The following GPR158 variants were observed in gnomAD, a reference collection of about 807,000 sequenced individuals.
GPR158 encodes G protein-coupled receptor 158.
A neutral mutation model predicts 78.2 loss-of-function variants in GPR158; 30 were observed. The ratio of observed to expected loss-of-function variants is 0.38; its 90% CI spans 0.29 to 0.52. The LOEUF (loss-of-function observed/expected upper bound fraction) is 0.52. Ranked by LOEUF, GPR158 falls within the 20% of genes least tolerant of loss-of-function variation. The pLI is 0.83. For synonymous variants in GPR158, 581 were observed against 591.1 expected, an observed-to-expected ratio of 0.98 and a Z score of 0.25; for missense variants, 1,463 against 1,523.5, an observed-to-expected ratio of 0.96 and a Z score of 0.66.
chr10:25,291,139 A>G (rs1320271681), intron 2 of GPR158, among the ~76,000 whole-genome samples: 2 of 152,086 alleles, frequency 1.3e-5, no homozygotes, highest in Admixed American at 6.5e-5. Flanking sequence ...GTTGAAAAAA[A>G]GATTTAAATA....
intron 4 of GPR158, among the ~76,000 whole-genome samples, chr10:25,426,028 G>T (rs1588857715): frequency 1.3e-5 from 2 of 152,172 alleles, no homozygotes; most frequent in South Asian, 4.1e-4. Flanking sequence ...AAGGTATGGG[G>T]GTTAAACAAA....
chr10:25,364,689 T>G (rs1855693189), intron 2 of GPR158, among the ~76,000 whole-genome samples: 2 of 151,928 alleles, frequency 1.3e-5, no homozygotes, highest in South Asian at 4.1e-4. Flanking sequence ...TTGAATAATT[T>G]TTCTCTTCTG....
intron 4 of GPR158, among the ~76,000 whole-genome samples, chr10:25,465,964 T>G (rs1329505324): frequency 6.6e-6 from 1 of 152,186 alleles, no homozygotes; most frequent in Non-Finnish European, 1.5e-5. Context: ...GCTGAGGGCT[T>G]GAAACTTCAA....
intron 2 of GPR158, among the ~76,000 whole-genome samples, chr10:25,330,418 G>A (rs1434584664): frequency 6.6e-6 from 1 of 152,098 alleles, no homozygotes; most frequent in Non-Finnish European, 1.5e-5. Context: ...AGGCATTTGA[G>A]TACCTCCAAG....
intron 2 of GPR158, among the ~76,000 whole-genome samples, chr10:25,379,216 G>A (rs780825095): frequency 2.6e-5 from 4 of 151,964 alleles, no homozygotes; most frequent in Admixed American, 6.6e-5. Flanking sequence ...ACTTTCTATT[G>A]CTATTCATTC....
intron 4 of GPR158, among the ~76,000 whole-genome samples, chr10:25,415,430 A>G (rs551834975): frequency 3.9e-5 from 6 of 152,234 alleles, no homozygotes; most frequent in Admixed American, 3.3e-4. Context: ...TTACCAACAC[A>G]TAGTCATTAG....
rs1269593792 is a variant in GPR158 at position 25,597,775 on chromosome 10, G to A, written c.2149G>A (p.Glu717Lys). 4.7e-6 allele frequency: 7 copies of A among 1,496,774 alleles called. No homozygotes were observed. Among genetic ancestry groups the A allele is most frequent in the South Asian group, 1.5e-5 (1 of 67,890 alleles). The allele number at this position is 1,496,774 out of a possible 1,614,324, so 92.7% of individuals were successfully genotyped here. Residue 717 changes from glutamate to lysine, a missense_variant, in exon 11 of 11, where the codon GAG becomes AAG. Coordinates refer to ENST00000376351, the MANE Select transcript of GPR158 (RefSeq NM_020752.3). The part of the protein sequence containing the change: ...HSLDPEDIRD[E>K]LKKLYAQLEI... The stretch of plus-strand genomic sequence containing the variant: ...GAATTTGCTTTTGTTCTGGCAGGAC[G>A]AGCTGAAAAAACTCTATGCCCAACT...
rs774614967 is a variant in GPR158 at position 25,598,422 on chromosome 10, G to T, written c.2796G>T (p.Gln932His). The change falls in exon 11 of 11, where the codon CAG becomes CAT. Residue 932 changes from glutamine to histidine, a missense_variant. Coordinates refer to ENST00000376351, the MANE Select transcript of GPR158 (RefSeq NM_020752.3). ...GTGTGGAAGAACGCACTAAATCCCAGAAACCTTTGCCAAAAGATAAAGAGA... is the reference window on the plus strand; with the variant it reads ...GTGTGGAAGAACGCACTAAATCCCATAAACCTTTGCCAAAAGATAAAGAGA... ...TAGVEERTKS[Q>H]KPLPKDKETN... The T allele has an allele frequency of 6.2e-7, 1 of 1,613,956 alleles. No homozygotes were observed. Among genetic ancestry groups the T allele is most frequent in the Admixed American group, 1.7e-5 (1 of 59,994 alleles).
chr10:25,371,911 G>A (rs931623528), intron 2 of GPR158, among the ~76,000 whole-genome samples: 1 of 141,892 alleles, frequency 7.0e-6, no homozygotes, highest in African/African-American at 2.7e-5. Context: ...CCATCAGAGT[G>A]AACAGGCAAC....
intron 5 of GPR158, among the ~76,000 whole-genome samples, chr10:25,473,698 G>C (rs553409124): frequency 3.9e-5 from 6 of 151,980 alleles, no homozygotes; most frequent in Non-Finnish European, 5.9e-5. Context: ...TGTATGTGTC[G>C]AGGAATTTAT....
intron 3 of GPR158, among the ~76,000 whole-genome samples, chr10:25,407,594 G>A (rs77000512): frequency 0.017 from 2,587 of 152,180 alleles, 28 homozygotes; most frequent in Middle Eastern, 0.037. Flanking sequence ...CTCCACATAT[G>A]TTCTTTCCCT....
At chr10:25,285,575 A>G (rs75782956) in intron 2 of GPR158, among the ~76,000 whole-genome samples, 2 of 152,100 alleles carry the variant, frequency 1.3e-5, no homozygotes, top group Non-Finnish European at 2.9e-5. Context: ...AGTGTATTCC[A>G]GTTTCTGCAG....
At chr10:25,395,243 G>A (rs1299289629) in intron 2 of GPR158, among the ~76,000 whole-genome samples, 1 of 152,114 alleles carries the variant, frequency 6.6e-6, no homozygotes, top group Non-Finnish European at 1.5e-5. Context: ...GTTTATGATA[G>A]TGAAATATTT....
chr10:25,209,862 C>T (rs1422271971), intron 1 of GPR158, among the ~76,000 whole-genome samples: 1 of 152,142 alleles, frequency 6.6e-6, no homozygotes, highest in Non-Finnish European at 1.5e-5. Context: ...GTAGATTTGC[C>T]AAATATTTTC....
rs868165485 is a variant in GPR158 at position 25,520,623 on chromosome 10, A to G, written c.1405-30353A>G. ...GACCCTCAGCTGCAGGTCTGTTGGA[A>G]TACCCTGCCGTGTGAGGTGTCAGTG... On this transcript the variant is annotated intron_variant, in intron 5 of 10. Coordinates refer to ENST00000376351, the MANE Select transcript of GPR158 (RefSeq NM_020752.3). Among the ~76,000 whole-genome samples, 25 of 150,810 alleles carry G rather than the reference A, an allele frequency of 1.7e-4. No homozygotes were observed. The Middle Eastern group carries it at 0.014, about 82-fold the overall frequency.
At chr10:25,508,071 TTGG>T (rs368180357) in intron 5 of GPR158, among the ~76,000 whole-genome samples, 38 of 152,324 alleles carry the variant, frequency 2.5e-4, no homozygotes, top group African/African-American at 9.1e-4. Flanking sequence ...GGGACGGTAG[TTGG>T]TGTTTTTGTG....
chr10:25,432,260 T>A (rs2130577071), intron 4 of GPR158, among the ~76,000 whole-genome samples: 1 of 145,522 alleles, frequency 6.9e-6, no homozygotes, highest in Non-Finnish European at 1.5e-5. Flanking sequence ...AAATGCAAAT[T>A]AAAGCAATGG....
chr10:25,225,324 T>C (rs1205056076), intron 2 of GPR158, among the ~76,000 whole-genome samples: 1 of 152,012 alleles, frequency 6.6e-6, no homozygotes, highest in Admixed American at 6.6e-5. Context: ...TCATAAATAC[T>C]TTATACTTTA....
intron 4 of GPR158, among the ~76,000 whole-genome samples, chr10:25,447,922 A>G (rs1168271544): frequency 6.6e-6 from 1 of 152,144 alleles, no homozygotes; most frequent in Non-Finnish European, 1.5e-5. Context: ...TAGCCTCAGA[A>G]GTTTCCTATA....
Sources: gnomAD v4.1 joint callset for allele counts (sites outside exome capture counted in the v4.1 genomes callset) on GRCh38, gnomAD v4.1.1 for gene constraint, MANE v1.5 for transcripts, NCBI Gene and HGNC (gene_info 2026-07-23, HGNC 2026-07-21) for gene names.